The following PIK3CD variants were observed in gnomAD, a reference collection of about 807,000 sequenced individuals.
PIK3CD encodes phosphatidylinositol-4,5-bisphosphate 3-kinase catalytic subunit delta.
A neutral mutation model predicts 122.9 loss-of-function variants in PIK3CD; 20 were observed. The observed-to-expected ratio is 0.16, with a 90% confidence interval of 0.11 to 0.24. PIK3CD has a LOEUF of 0.24. Among genes scored for constraint, PIK3CD ranks in the 10% least tolerant of loss-of-function variants. The pLI is 1.00. For synonymous variants in PIK3CD, 596 were observed against 593.4 expected (o/e 1.00, Z -0.06); for missense variants, 787 against 1,406.3 (o/e 0.56, Z 7.04).
In PIK3CD at chr1:9,715,840, AC is replaced by A. The variant is rs765714480; in HGVS notation, c.371-5del. 14 of 787,208 alleles carry A rather than the reference AC, an allele frequency of 1.8e-5. No homozygotes were observed. The highest frequency in any genetic ancestry group is 2.9e-5 in the Non-Finnish European group (14 of 486,814). 48.8% of individuals were successfully genotyped at this position (787,208 alleles called of 1,614,324 possible). On this transcript the variant is annotated splice_region_variant and splice_polypyrimidine_tract_variant and intron_variant, in intron 4 of 23. Transcript: ENST00000377346. The surrounding 1 kb of genome is among the most constrained non-coding windows in gnomAD (Gnocchi z 4.1). ...CCCACCCGCTGACCCAGCCCTCCCC[AC>A]CCCGCAGGCCTCCACGAGTTTGACT...
intron 1 of PIK3CD, among the ~76,000 whole-genome samples, chr1:9,663,773 C>G (rs1165918763): frequency 1.4e-5 from 2 of 145,778 alleles, no homozygotes; most frequent in Non-Finnish European, 3.0e-5. Flanking sequence ...GTGATGTTCC[C>G]CTTCCTGTGT....
At chr1:9,679,298 C>T (rs921745104) in intron 1 of PIK3CD, among the ~76,000 whole-genome samples, 1 of 151,978 alleles carries the variant, frequency 6.6e-6, no homozygotes. Context: ...GAACTCCTGA[C>T]TTCAGGTGAT....
intron 1 of PIK3CD, among the ~76,000 whole-genome samples, chr1:9,668,427 T>C (rs1645226936): frequency 6.6e-6 from 1 of 151,934 alleles, no homozygotes; most frequent in Non-Finnish European, 1.5e-5. Context: ...CTGTAAATAT[T>C]AGCTGTTCTT....
intron 2 of PIK3CD, among the ~76,000 whole-genome samples, chr1:9,693,844 G>A (rs1646298593): frequency 6.6e-6 from 1 of 152,096 alleles, no homozygotes; most frequent in South Asian, 2.1e-4. Flanking sequence ...AAAGGAATGG[G>A]GGCTCTGGGG....
rs1271137345 is a variant in PIK3CD, at chr1:9,718,133, T to G, written c.1020+507T>G. ...TCATGGGCTTTATTGTCCTGTTTGC[T>G]GGACATGATACCTGAGTCCTCAGAG... On this transcript the variant is annotated intron_variant, in intron 8 of 23. Transcript: ENST00000377346. This position sits in a 1 kb window ranked among gnomAD's most constrained non-coding sequence, Gnocchi z 7.2. 3 of 463,388 alleles carry G rather than the reference T, an allele frequency of 6.5e-6. No homozygotes were observed. The highest frequency in any genetic ancestry group is 1.3e-5 in the Non-Finnish European group (3 of 232,046). 28.7% of individuals were successfully genotyped at this position (463,388 alleles called of 1,614,324 possible).
chr1:9,690,303 G>C (rs1276995278), intron 1 of PIK3CD, among the ~76,000 whole-genome samples: 1 of 152,170 alleles, frequency 6.6e-6, no homozygotes, highest in Non-Finnish European at 1.5e-5. Context: ...CTTATTTCCT[G>C]ACCCGAATTC....
the PIK3CD span, among the ~76,000 whole-genome samples, chr1:9,642,460 G>A: frequency 2.0e-5 from 3 of 148,576 alleles, no homozygotes; most frequent in Non-Finnish European, 4.5e-5. Flanking sequence ...GCTCACGCCT[G>A]TAATCCCAGC....
intron 14 of PIK3CD, 28 bp from the exon 15 acceptor site, chr1:9,721,416 C>T (rs912734857): frequency 2.5e-6 from 4 of 1,612,352 alleles, no homozygotes; most frequent in Non-Finnish European, 3.4e-6. Flanking sequence ...CGGGGAGCTC[C>T]AGGCCCCAGC....
At chr1:9,649,008 A>T (rs1644632453), upstream of PIK3CD, among the ~76,000 whole-genome samples, 1 of 152,138 alleles carries the variant, frequency 6.6e-6, no homozygotes, top group Admixed American at 6.6e-5. Flanking sequence ...AGGCTGAGGC[A>T]TGAGAGTCGC....
chr1:9,718,467 T>G lies in PIK3CD; in HGVS notation c.1021-227T>G, dbSNP rs1647915253. ...TGGACATGCCCCGAGGTCCCCAGAG[T>G]TGGGGTAGCTGAGACAGGGCACCCA... On this transcript the variant is annotated intron_variant, in intron 8 of 23. Coordinates refer to ENST00000377346, the MANE Select transcript of PIK3CD (RefSeq NM_005026.5). This position sits in a 1 kb window ranked among gnomAD's most constrained non-coding sequence, Gnocchi z 7.2. Among the ~76,000 whole-genome samples the G allele has an allele frequency of 6.6e-6, 1 of 151,460 alleles. No homozygotes were observed. The highest frequency in any genetic ancestry group is 1.5e-5 in the Non-Finnish European group (1 of 67,820).
intron 5 of PIK3CD, 121 bp from the exon 6 acceptor site, chr1:9,716,319 C>A: frequency 1.0e-6 from 1 of 977,026 alleles, no homozygotes; most frequent in Non-Finnish European, 1.6e-6. Flanking sequence ...ACAAATATTT[C>A]CCAGTGTCAT....
chr1:9,717,569 G>A lies in PIK3CD; in HGVS notation c.963G>A (p.Gln321=), dbSNP rs776203858. Reference sequence around the variant, plus strand: ...CTGTGTCCCTGTGGTCCCTGGAGCAGCCGTTCCGCATCGAGCTCATCCAGG... The same window carrying A: ...CTGTGTCCCTGTGGTCCCTGGAGCAACCGTTCCGCATCGAGCTCATCCAGG... ...PSSVSLWSLE[Q]PFRIELIQGS... is the part of the protein sequence containing the mutation. The change falls in exon 8 of 24, where the codon CAG becomes CAA. Residue 321 remains glutamine, a synonymous_variant. Coordinates refer to ENST00000377346, the MANE Select transcript of PIK3CD (RefSeq NM_005026.5). This position sits in a 1 kb window ranked among gnomAD's most constrained non-coding sequence, Gnocchi z 5.4. 6.2e-7 allele frequency: 1 copy of A among 1,614,122 alleles called. No individual in the cohort carries two copies. Among genetic ancestry groups the A allele is most frequent in the South Asian group, 1.1e-5 (1 of 91,084 alleles).
rs1647500996 is a variant in PIK3CD at position 9,716,631 on chromosome 1, G to A, written c.780+12G>A. Reference sequence around the variant, plus strand: ...TCTGCCAGTTCCAGGTGAGGCCGCTGAGGCCCTCTGCACTCTGGGCTCCCA... The same window carrying A: ...TCTGCCAGTTCCAGGTGAGGCCGCTAAGGCCCTCTGCACTCTGGGCTCCCA... On this transcript the variant is annotated intron_variant, in intron 6 of 23. Coordinates refer to ENST00000377346, the MANE Select transcript of PIK3CD (RefSeq NM_005026.5). The A allele has an allele frequency of 6.4e-7, 1 of 1,551,016 alleles. No homozygotes were observed. The highest frequency in any genetic ancestry group is 1.4e-5 in the African/African-American group (1 of 73,050).
At chr1:9,693,951 A>C (rs1026916214) in intron 2 of PIK3CD, among the ~76,000 whole-genome samples, 23 of 152,172 alleles carry the variant, frequency 1.5e-4, no homozygotes. Context: ...CCCCCAGGCC[A>C]CATAGCCAGA....
chr1:9,719,813 T>G lies in PIK3CD; in HGVS notation c.1243-108T>G. On this transcript the variant is annotated intron_variant, in intron 9 of 23. Transcript: ENST00000377346. The surrounding 1 kb of genome is among the most constrained non-coding windows in gnomAD (Gnocchi z 5.5). The stretch of plus-strand genomic sequence containing the variant: ...GTCTCCCAGGGGTCTGGTTGGGAGA[T>G]GTTAGCTGGGCTCTGGGTCTTCTCG... 1 of 893,402 alleles carries G rather than the reference T, an allele frequency of 1.1e-6. No homozygotes were observed. Among genetic ancestry groups the G allele is most frequent in the South Asian group, 1.3e-5 (1 of 76,102 alleles). The allele number at this position is 893,402 out of a possible 1,614,324, so 55.3% of individuals were successfully genotyped here. A position where few individuals can be genotyped will look rare whatever the true frequency, so the allele number is the denominator to read the frequency against.
chr1:9,725,845 C>T (rs1649472426), intron 23 of PIK3CD, among the ~76,000 whole-genome samples: 1 of 152,090 alleles, frequency 6.6e-6, no homozygotes, highest in Admixed American at 6.5e-5. Flanking sequence ...CCACTGCACT[C>T]TAGCCTGGGC....
chr1:9,726,353 CA>C (rs1164825623), intron 23 of PIK3CD, among the ~76,000 whole-genome samples: 8 of 151,756 alleles, frequency 5.3e-5, no homozygotes, highest in Non-Finnish European at 1.2e-4. Flanking sequence ...CTAAAAAATA[CA>C]AAAAATTAGC....
upstream of PIK3CD, among the ~76,000 whole-genome samples, chr1:9,648,841 C>T (rs546007432): frequency 1.1e-4 from 17 of 152,358 alleles, no homozygotes; most frequent in African/African-American, 4.1e-4. Flanking sequence ...GTGGCTTATG[C>T]CTGTAATCCC....
the PIK3CD span, among the ~76,000 whole-genome samples, chr1:9,641,763 G>A: frequency 6.6e-6 from 1 of 152,128 alleles, no homozygotes; most frequent in Non-Finnish European, 1.5e-5. Flanking sequence ...CACAAGGCCA[G>A]AGACTCCCAG....
Sources: gnomAD v4.1 joint callset for allele counts (sites outside exome capture counted in the v4.1 genomes callset) on GRCh38, gnomAD v4.1.1 for gene constraint, Gnocchi (gnomAD v3.1) non-coding constraint, MANE v1.5 for transcripts, NCBI Gene and HGNC (gene_info 2026-07-23, HGNC 2026-07-21) for gene names.